The following HIVEP3 variants were observed in gnomAD, a reference collection of about 807,000 sequenced individuals.
HIVEP3 encodes HIVEP zinc finger 3.
A neutral mutation model predicts 152.8 loss-of-function variants in HIVEP3; 49 were observed. The observed-to-expected ratio is 0.32, with a 90% confidence interval of 0.26 to 0.41. HIVEP3 has a LOEUF of 0.41. Ranked by LOEUF, HIVEP3 falls within the 10% of genes least tolerant of loss-of-function variation. HIVEP3 has a pLI of 1.00. For synonymous variants in HIVEP3, 1,269 were observed against 1,289.0 expected (o/e 0.98, Z 0.33); for missense variants, 2,790 against 3,103.3 (o/e 0.90, Z 2.40).
intron 1 of HIVEP3, among the ~76,000 whole-genome samples, chr1:41,812,229 G>C (rs2124329182): frequency 6.6e-6 from 1 of 152,222 alleles, no homozygotes. Context: ...CAAACACGAG[G>C]AGCACAAACA....
At chr1:41,807,333 G>T (rs1650692286) in intron 1 of HIVEP3, among the ~76,000 whole-genome samples, 1 of 152,162 alleles carries the variant, frequency 6.6e-6, no homozygotes, top group Non-Finnish European at 1.5e-5. Flanking sequence ...CATCTGTTAG[G>T]CCTTGAGGTA....
chr1:41,738,106 G>A (rs557167376), intron 1 of HIVEP3, among the ~76,000 whole-genome samples: 1 of 152,366 alleles, frequency 6.6e-6, no homozygotes, highest in African/African-American at 2.4e-5. Context: ...TGGGAGGGCA[G>A]GGTCCTCTTC....
chr1:41,852,972 C>T (rs778038985), intron 1 of HIVEP3, among the ~76,000 whole-genome samples: 9 of 152,212 alleles, frequency 5.9e-5, no homozygotes, highest in South Asian at 4.1e-4. Flanking sequence ...AAGCAGCACA[C>T]AGTCTGGGTG....
At chr1:41,929,985 T>C (rs920100603) in intron 1 of HIVEP3, among the ~76,000 whole-genome samples, 6 of 152,068 alleles carry the variant, frequency 3.9e-5, no homozygotes, top group Admixed American at 6.6e-5. Flanking sequence ...ACAGTGTCTG[T>C]GTACAGTTAT....
chr1:41,880,081 G>A (rs530242076), intron 1 of HIVEP3, among the ~76,000 whole-genome samples: 2 of 152,032 alleles, frequency 1.3e-5, no homozygotes, highest in African/African-American at 2.4e-5. Context: ...TTTTTTCTGA[G>A]ATGGGTCTCA....
chr1:41,942,148 C>A (rs35109626), intron 1 of HIVEP3, among the ~76,000 whole-genome samples: 53 of 152,298 alleles, frequency 3.5e-4, no homozygotes, highest in Admixed American at 5.9e-4. Flanking sequence ...CTTTGGCAGT[C>A]TCATGCAGTC....
At chr1:41,841,638 G>A (rs1028891672) in intron 1 of HIVEP3, among the ~76,000 whole-genome samples, 9 of 152,136 alleles carry the variant, frequency 5.9e-5, no homozygotes, top group African/African-American at 9.7e-5. Context: ...CGCTGACTTC[G>A]TCCATGTAGC....
rs896695790 is a variant in HIVEP3 at position 41,511,620 on chromosome 1, T to C, written c.6406-354A>G. On this transcript the variant is annotated intron_variant, in intron 8 of 8. Coordinates refer to ENST00000372583, the MANE Select transcript of HIVEP3 (RefSeq NM_024503.5). This position sits in a 1 kb window ranked among gnomAD's most constrained non-coding sequence, Gnocchi z 4.9. The stretch of plus-strand genomic sequence containing the variant: ...TATGTGGGTCTGCTGCCTGTCCTGT[T>C]CCTAAAATGGTCTTCACCCAGCTTC... 2.6e-5 allele frequency among the ~76,000 whole-genome samples: 4 copies of C among 152,190 alleles called. No individual in the cohort carries two copies. The highest frequency in any genetic ancestry group is 4.4e-5 in the Non-Finnish European group (3 of 68,028).
intron 1 of HIVEP3, among the ~76,000 whole-genome samples, chr1:41,830,566 C>A (rs903809103): frequency 6.6e-6 from 1 of 151,678 alleles, no homozygotes; most frequent in African/African-American, 2.4e-5. Flanking sequence ...CAAGGCCATA[C>A]ACCTTTCCCA....
At chr1:41,877,346 G>A (rs1451316915) in intron 1 of HIVEP3, among the ~76,000 whole-genome samples, 2 of 152,200 alleles carry the variant, frequency 1.3e-5, no homozygotes, top group Non-Finnish European at 2.9e-5. Context: ...ACAGGCTTTT[G>A]AAGCTGTGAT....
chr1:41,520,957 G>A (rs1642744451), intron 6 of HIVEP3, among the ~76,000 whole-genome samples: 1 of 152,182 alleles, frequency 6.6e-6, no homozygotes, highest in Non-Finnish European at 1.5e-5. Context: ...TCACAGTGCT[G>A]GTTGGTGCCG....
At chr1:41,809,541 A>G (rs1215721986) in intron 1 of HIVEP3, among the ~76,000 whole-genome samples, 2 of 152,238 alleles carry the variant, frequency 1.3e-5, no homozygotes, top group Non-Finnish European at 2.9e-5. Flanking sequence ...TATTTTCTGC[A>G]TGCAAAATTC....
At chr1:41,792,962 T>C (rs1649783923) in intron 1 of HIVEP3, among the ~76,000 whole-genome samples, 2 of 152,178 alleles carry the variant, frequency 1.3e-5, no homozygotes, top group Admixed American at 1.3e-4. Flanking sequence ...GAGGAGAATG[T>C]TCAGGGGATC....
chr1:41,841,907 T>C (rs1643300443), intron 1 of HIVEP3, among the ~76,000 whole-genome samples: 1 of 152,100 alleles, frequency 6.6e-6, no homozygotes, highest in Non-Finnish European at 1.5e-5. Flanking sequence ...CTGGCCAACA[T>C]GGTGAAATCC....
chr1:41,760,404 C>T (rs970908209), intron 1 of HIVEP3, among the ~76,000 whole-genome samples: 1 of 152,144 alleles, frequency 6.6e-6, no homozygotes, highest in South Asian at 2.1e-4. Context: ...TGTCTCTGGG[C>T]TTCTCTGCTG....
intron 1 of HIVEP3, among the ~76,000 whole-genome samples, chr1:41,930,708 T>C (rs1453221435): frequency 6.6e-6 from 1 of 152,184 alleles, no homozygotes; most frequent in Non-Finnish European, 1.5e-5. Context: ...GCAAAGTGGT[T>C]GTACCATTGT....
At chr1:41,902,932 T>C (rs1644650271) in intron 1 of HIVEP3, among the ~76,000 whole-genome samples, 1 of 152,200 alleles carries the variant, frequency 6.6e-6, no homozygotes, top group Non-Finnish European at 1.5e-5. Flanking sequence ...GCACAGCTAC[T>C]AAAAGTGAAT....
chr1:41,640,826 C>T (rs775764157), intron 2 of HIVEP3, among the ~76,000 whole-genome samples: 9 of 152,226 alleles, frequency 5.9e-5, no homozygotes, highest in Non-Finnish European at 1.2e-4. Context: ...ACTGAGGAAA[C>T]TGAGGCTTTG....
At chr1:41,787,366 T>C (rs1649410435) in intron 1 of HIVEP3, among the ~76,000 whole-genome samples, 1 of 152,114 alleles carries the variant, frequency 6.6e-6, no homozygotes, top group Non-Finnish European at 1.5e-5. Flanking sequence ...AAAGTTCAGT[T>C]CCTCAGTTGT....
Sources: gnomAD v4.1 joint callset for allele counts (sites outside exome capture counted in the v4.1 genomes callset) on GRCh38, gnomAD v4.1.1 for gene constraint, Gnocchi (gnomAD v3.1) non-coding constraint, MANE v1.5 for transcripts, NCBI Gene and HGNC (gene_info 2026-07-23, HGNC 2026-07-21) for gene names.